CNTN5: variants seen among roughly 807,000 people sequenced by gnomAD.
CNTN5 encodes the protein contactin-5.
A neutral mutation model predicts 129.1 loss-of-function variants in CNTN5; 77 were observed. The ratio of observed to expected loss-of-function variants is 0.60; its 90% CI spans 0.50 to 0.72. The LOEUF (loss-of-function observed/expected upper bound fraction) is 0.72, where lower values mean the gene tolerates loss of function less well. Among genes scored for constraint, CNTN5 ranks in the 30% least tolerant of loss-of-function variants. The probability of loss-of-function intolerance (pLI) is 0.00; values close to 1 mark genes in which losing one functional copy is unlikely to be tolerated. For missense variants in CNTN5, 1,478 were observed against 1,328.8 expected, an observed-to-expected ratio of 1.11 and a Z score of -1.75; for synonymous variants, 509 against 465.6, an observed-to-expected ratio of 1.09 and a Z score of -1.20.
At position 99,844,816 on chromosome 11, in the gene CNTN5, A is replaced by G. The variant is rs567586483; in HGVS notation, c.278-36A>G. ...AAAACACAAAATATCTTGCTAGTTT[A>G]AGGAAATTTAAAATGTGTCTGTTTT... On this transcript the variant is annotated intron_variant, in intron 4 of 24. Transcript: ENST00000524871. The G allele has an allele frequency of 5.1e-6, 8 of 1,578,856 alleles. No individual in the cohort carries two copies. The Admixed American group carries it at 1.3e-4, about 25-fold the overall frequency.
At chr11:99,502,358 T>C (rs1251286134) in intron 2 of CNTN5, among the ~76,000 whole-genome samples, 2 of 152,120 alleles carry the variant, frequency 1.3e-5, no homozygotes, top group African/African-American at 2.4e-5. Context: ...TGGATTGTAA[T>C]CCCCATAATC....
chr11:99,612,999 A>G (rs769194705), intron 3 of CNTN5, among the ~76,000 whole-genome samples: 2 of 152,184 alleles, frequency 1.3e-5, no homozygotes, highest in African/African-American at 4.8e-5. Flanking sequence ...GGCAGGTTTC[A>G]GAGTCACTTA....
chr11:99,460,689 A>G (rs538507440), intron 2 of CNTN5, among the ~76,000 whole-genome samples: 1 of 152,132 alleles, frequency 6.6e-6, no homozygotes, highest in South Asian at 2.1e-4. Context: ...TTACGAATAT[A>G]AGAACCAGTG....
chr11:99,505,752 C>G (rs1591179837), intron 2 of CNTN5, among the ~76,000 whole-genome samples: 1 of 152,112 alleles, frequency 6.6e-6, no homozygotes, highest in African/African-American at 2.4e-5. Flanking sequence ...AATATCAAAC[C>G]TTTGCATTTC....
At chr11:99,633,906 G>A (rs17134048) in intron 3 of CNTN5, among the ~76,000 whole-genome samples, 1 of 152,172 alleles carries the variant, frequency 6.6e-6, no homozygotes, top group Non-Finnish European at 1.5e-5. Context: ...AATTTCAGGA[G>A]AGAGTACAGG....
At chr11:99,573,020 A>C (rs1040890051) in intron 3 of CNTN5, among the ~76,000 whole-genome samples, 1 of 152,182 alleles carries the variant, frequency 6.6e-6, no homozygotes, top group Non-Finnish European at 1.5e-5. Context: ...AAATAGCCAA[A>C]TATGATGGAA....
At chr11:100,347,882 G>A (rs1199442032) in intron 23 of CNTN5, among the ~76,000 whole-genome samples, 6 of 151,916 alleles carry the variant, frequency 3.9e-5, no homozygotes, top group African/African-American at 1.2e-4. Flanking sequence ...AGTAGTTTGG[G>A]TATAACCAGC....
intron 8 of CNTN5, among the ~76,000 whole-genome samples, chr11:99,976,696 A>G (rs535298021): frequency 3.3e-5 from 5 of 152,300 alleles, no homozygotes; most frequent in African/African-American, 1.2e-4. Context: ...CCATGTCCCG[A>G]GGCTGCACAG....
intron 6 of CNTN5, among the ~76,000 whole-genome samples, chr11:99,873,862 A>G (rs1232006310): frequency 6.6e-6 from 1 of 152,166 alleles, no homozygotes; most frequent in East Asian, 1.9e-4. Flanking sequence ...ACATATCAGC[A>G]TGGAACACAA....
At chr11:99,452,597 C>A (rs887830029) in intron 2 of CNTN5, among the ~76,000 whole-genome samples, 2 of 152,104 alleles carry the variant, frequency 1.3e-5, no homozygotes, top group Admixed American at 1.3e-4. Context: ...TGGTCTTGAT[C>A]TCCTGACCTT....
chr11:99,708,138 T>G (rs1019236574), intron 3 of CNTN5, among the ~76,000 whole-genome samples: 1 of 151,726 alleles, frequency 6.6e-6, no homozygotes, highest in South Asian at 2.1e-4. Flanking sequence ...CTATTCTTGA[T>G]GATGATCTTC....
intron 2 of CNTN5, among the ~76,000 whole-genome samples, chr11:99,356,155 G>A (rs992593675): frequency 2.0e-5 from 3 of 151,108 alleles, no homozygotes; most frequent in Non-Finnish European, 4.4e-5. Flanking sequence ...TTCCAATACG[G>A]ACATTTTTTA....
In CNTN5 at chr11:99,375,302, CAAA is replaced by C. The variant is rs397848951; in HGVS notation, c.-71+49840_-71+49842del. Among the ~76,000 whole-genome samples the C allele has an allele frequency of 1.6e-3, 87 of 53,556 alleles. 1 individual carries two copies. The East Asian group carries it at 0.04, about 25-fold the overall frequency. The allele number at this position is 53,556 out of a possible 152,430, so 35.1% of individuals were successfully genotyped here. A position where few individuals can be genotyped will look rare whatever the true frequency, so the allele number is the denominator to read the frequency against. ...TGGGTGACAGAGTGGGAGTCTGTCTCAAAAAAAAAAAAAAAAAAAAAAAAGGAG... is the reference window on the plus strand; with the variant it reads ...TGGGTGACAGAGTGGGAGTCTGTCTCAAAAAAAAAAAAAAAAAAAAAGGAG... On this transcript the variant is annotated intron_variant, in intron 2 of 24. Transcript: ENST00000524871.
chr11:99,118,252 C>T (rs1591220965), intron 1 of CNTN5, among the ~76,000 whole-genome samples: 2 of 152,108 alleles, frequency 1.3e-5, no homozygotes, highest in East Asian at 3.9e-4. Context: ...CTTGGCTAGT[C>T]TTTTCCATTT....
chr11:99,089,407 G>A (rs146159908), intron 1 of CNTN5, among the ~76,000 whole-genome samples: 284 of 151,964 alleles, frequency 1.9e-3, no homozygotes, highest in Non-Finnish European at 3.3e-3. Context: ...CTCATTTAAC[G>A]CTTTAATCCT....
At chr11:99,857,195 A>C (rs1350792972) in intron 6 of CNTN5, among the ~76,000 whole-genome samples, 1 of 152,168 alleles carries the variant, frequency 6.6e-6, no homozygotes. Context: ...AAGCCATTCC[A>C]AGCACACCAC....
At chr11:99,838,487 A>G (rs1424350761) in intron 4 of CNTN5, among the ~76,000 whole-genome samples, 2 of 152,202 alleles carry the variant, frequency 1.3e-5, no homozygotes, top group Non-Finnish European at 2.9e-5. Flanking sequence ...TATTTAAAAA[A>G]TCCTCAAAAC....
At chr11:99,735,041 A>T (rs897349145) in intron 3 of CNTN5, among the ~76,000 whole-genome samples, 1 of 152,074 alleles carries the variant, frequency 6.6e-6, no homozygotes, top group Non-Finnish European at 1.5e-5. Context: ...TCTGTAACCC[A>T]CTGTGTTATA....
intron 3 of CNTN5, among the ~76,000 whole-genome samples, chr11:99,626,153 GC>G (rs1444321788): frequency 1.3e-5 from 2 of 151,950 alleles, no homozygotes; most frequent in Non-Finnish European, 2.9e-5. Flanking sequence ...AGTCATGCAA[GC>G]GAAGACATGC....
Sources: gnomAD v4.1 joint callset for allele counts (sites outside exome capture counted in the v4.1 genomes callset) on GRCh38, gnomAD v4.1.1 for gene constraint, MANE v1.5 for transcripts, NCBI Gene and HGNC (gene_info 2026-07-23, HGNC 2026-07-21) for gene names.